The following CRADD variants were observed in gnomAD, a reference collection of about 807,000 sequenced individuals.
The protein encoded by CRADD is CARD and death domain containing adaptor protein, also known as death domain-containing protein CRADD.
A neutral mutation model predicts 15.5 loss-of-function variants in CRADD; 9 were observed. That is an observed-to-expected ratio of 0.58 (90% confidence interval 0.35 to 1.01). The LOEUF (loss-of-function observed/expected upper bound fraction) is 1.01. Ranked by LOEUF, CRADD falls within the 50% of genes least tolerant of loss-of-function variation. The pLI, the probability that CRADD is intolerant of heterozygous loss-of-function variation, is 0.02. For synonymous variants in CRADD, 118 were observed against 107.6 expected, an observed-to-expected ratio of 1.10 and a Z score of -0.60; for missense variants, 227 against 250.3, an observed-to-expected ratio of 0.91 and a Z score of 0.63.
At chr12:93,884,547 C>T (rs1438570829) in intron 2 of CRADD, among the ~76,000 whole-genome samples, 2 of 152,156 alleles carry the variant, frequency 1.3e-5, no homozygotes, top group African/African-American at 4.8e-5. Flanking sequence ...TCGGGAAGTT[C>T]ACGGAATTTG....
chr12:93,887,142 AGAGAAAATCTGTG>A (rs1362595525), intron 2 of CRADD, among the ~76,000 whole-genome samples: 1 of 152,224 alleles, frequency 6.6e-6, no homozygotes, highest in Non-Finnish European at 1.5e-5. Flanking sequence ...TTTGAAAATG[AGAGAAAATCTGTG>A]GGGAAATATG....
intron 2 of CRADD, chr12:93,848,770 C>CT (rs35312132): frequency 0.85 from 128,825 of 152,198 alleles, 54,995 homozygotes; most frequent in African/African-American, 0.96. Context: ...TTAGGAGCTC[C>CT]TCTGTATAAC....
At chr12:93,809,540 TC>T (rs1957595101) in intron 2 of CRADD, among the ~76,000 whole-genome samples, 3 of 152,178 alleles carry the variant, frequency 2.0e-5, no homozygotes, top group African/African-American at 7.2e-5. Flanking sequence ...CAAAATCCCT[TC>T]CTTCTGTCAT....
intron 2 of CRADD, among the ~76,000 whole-genome samples, chr12:93,712,581 G>A (rs951595299): frequency 2.0e-5 from 3 of 152,174 alleles, no homozygotes; most frequent in African/African-American, 7.2e-5. Context: ...AATGGGTTTT[G>A]GATTTTTGAT....
intron 2 of CRADD, among the ~76,000 whole-genome samples, chr12:93,838,214 G>GTTTTTTTTTTTTTTTTT (rs66564800): frequency 6.1e-5 from 8 of 130,606 alleles, no homozygotes; most frequent in Non-Finnish European, 3.2e-5. Flanking sequence ...TCCTTTTGAG[G>GTTTTTTTTTTTTTTTTT]TTTTTTTTTT....
At chr12:93,754,800 T>C (rs1275819273) in intron 2 of CRADD, among the ~76,000 whole-genome samples, 1 of 152,204 alleles carries the variant, frequency 6.6e-6, no homozygotes, top group Non-Finnish European at 1.5e-5. Context: ...TCCTATCTTC[T>C]TCTTAGCCCT....
intron 2 of CRADD, among the ~76,000 whole-genome samples, chr12:93,782,347 T>G (rs1259609686): frequency 2.1e-4 from 20 of 95,516 alleles, no homozygotes; most frequent in Admixed American, 4.6e-4. Context: ...TGTTGTGGGG[T>G]TGGGGGAGGG....
At chr12:93,853,210 T>C (rs1161172320), downstream of CRADD, among the ~76,000 whole-genome samples, 1 of 152,238 alleles carries the variant, frequency 6.6e-6, no homozygotes, top group Non-Finnish European at 1.5e-5. Flanking sequence ...AAATGATGCA[T>C]CTTTTTAATA....
intron 2 of CRADD, among the ~76,000 whole-genome samples, chr12:93,682,270 A>T (rs529298945): frequency 6.6e-6 from 1 of 152,312 alleles, no homozygotes; most frequent in South Asian, 2.1e-4. Flanking sequence ...TTTTGTAAAG[A>T]TATCTTTGAG....
At chr12:93,699,527 G>A (rs1955789806) in intron 2 of CRADD, among the ~76,000 whole-genome samples, 1 of 152,186 alleles carries the variant, frequency 6.6e-6, no homozygotes, top group Non-Finnish European at 1.5e-5. Context: ...CAGTCATGAA[G>A]CATTTGCCTT....
intron 2 of CRADD, among the ~76,000 whole-genome samples, chr12:93,764,828 T>A (rs1183266709): frequency 6.6e-6 from 1 of 152,076 alleles, no homozygotes; most frequent in East Asian, 1.9e-4. Context: ...GATACATTTT[T>A]CTGTAAGGAG....
At chr12:93,778,779 T>C (rs1015802905) in intron 2 of CRADD, among the ~76,000 whole-genome samples, 15 of 151,904 alleles carry the variant, frequency 9.9e-5, no homozygotes, top group African/African-American at 3.6e-4. Context: ...TAAAGATAAT[T>C]AGTTATTGCC....
intron 2 of CRADD, among the ~76,000 whole-genome samples, chr12:93,770,288 G>A (rs1259750263): frequency 2.6e-5 from 4 of 151,430 alleles, no homozygotes; most frequent in African/African-American, 7.3e-5. Context: ...TAGTAGAGAC[G>A]GGGTTTCACC....
intron 2 of CRADD, among the ~76,000 whole-genome samples, chr12:93,686,973 A>G (rs1955455217): frequency 1.3e-5 from 2 of 152,046 alleles, no homozygotes; most frequent in Admixed American, 6.6e-5. Flanking sequence ...GTATGCTGGA[A>G]TGAGATTTCA....
chr12:93,810,992 G>A (rs1957619852), intron 2 of CRADD, among the ~76,000 whole-genome samples: 1 of 152,208 alleles, frequency 6.6e-6, no homozygotes, highest in Non-Finnish European at 1.5e-5. Context: ...GTATGAGCCT[G>A]TGATAAGTTA....
chr12:93,715,866 G>T (rs1956152867), intron 2 of CRADD, among the ~76,000 whole-genome samples: 1 of 152,090 alleles, frequency 6.6e-6, no homozygotes, highest in Non-Finnish European at 1.5e-5. Context: ...TTTAGGCTGG[G>T]CACAGTGGCT....
At chr12:93,817,794 C>G (rs954758279) in intron 2 of CRADD, among the ~76,000 whole-genome samples, 1 of 152,154 alleles carries the variant, frequency 6.6e-6, no homozygotes, top group Admixed American at 6.5e-5. Context: ...ATGACACTCT[C>G]CTCGCACTTG....
chr12:93,834,598 C>T (rs145796207), intron 2 of CRADD, among the ~76,000 whole-genome samples: 3,026 of 152,228 alleles, frequency 0.02, 54 homozygotes, highest in Non-Finnish European at 0.033. Context: ...AAGTGATTCT[C>T]CTGCTTCAGC....
chr12:93,722,005 A>T (rs999410140), intron 2 of CRADD, among the ~76,000 whole-genome samples: 2 of 152,204 alleles, frequency 1.3e-5, no homozygotes, highest in African/African-American at 2.4e-5. Context: ...ACTTCTTTTA[A>T]CATTTCTTGT....
Sources: allele counts gnomAD v4.1 joint callset (sites outside exome capture counted in the v4.1 genomes callset), GRCh38; gene constraint gnomAD v4.1.1; transcripts MANE v1.5; gene names NCBI Gene and HGNC (gene_info 2026-07-23, HGNC 2026-07-21).